The following BCAT1 variants were observed in gnomAD, a reference collection of about 807,000 sequenced individuals.
The protein encoded by BCAT1 is branched-chain-amino-acid aminotransferase, cytosolic.
BCAT1 carries 48 observed loss-of-function variants against 52.4 expected under a neutral mutation model. That is an observed-to-expected ratio of 0.92 (90% CI 0.73 to 1.16). The LOEUF is 1.16. Among genes scored for constraint, BCAT1 ranks in the 50% most tolerant of loss-of-function variants. The pLI, the probability that BCAT1 is intolerant of heterozygous loss-of-function variation, is 0.00. For missense variants in BCAT1, 451 were observed against 457.1 expected (o/e 0.99, Z 0.12); for synonymous variants, 167 against 161.3 (o/e 1.04, Z -0.27).
At position 24,898,442 on chromosome 12, in the gene BCAT1, A is replaced by AATAGGGAG. The variant is rs1272727004; in HGVS notation, c.78+3364_78+3371dup. On this transcript the variant is annotated intron_variant, in intron 2 of 10. Transcript: ENST00000261192. ...GCAGTTGGGTAATCATTTGTTCTGA[A>AATAGGGAG]ATAGGGAGGCTCAGGGCAGGGAAGT... 2.7e-5 allele frequency among the ~76,000 whole-genome samples: 4 copies of AATAGGGAG among 150,718 alleles called. No individual in the cohort carries two copies. The South Asian group carries it at 8.4e-4, about 32-fold the overall frequency.
intron 5 of BCAT1, among the ~76,000 whole-genome samples, chr12:24,874,407 G>T (rs762077346): frequency 7.2e-5 from 11 of 152,156 alleles, no homozygotes; most frequent in Non-Finnish European, 1.3e-4. Flanking sequence ...AATATTTTAA[G>T]TCCATCCAAT....
At chr12:24,852,760 A>C (rs751039307) in intron 5 of BCAT1, among the ~76,000 whole-genome samples, 19 of 152,344 alleles carry the variant, frequency 1.2e-4, no homozygotes, top group Non-Finnish European at 2.1e-4. Context: ...TGCTGAGAGA[A>C]AATGTGTTTA....
intron 1 of BCAT1, among the ~76,000 whole-genome samples, chr12:24,911,879 G>A (rs191592562): frequency 3.9e-4 from 60 of 152,316 alleles, no homozygotes; most frequent in Non-Finnish European, 5.1e-4. Flanking sequence ...TTCCTGTGTG[G>A]AAAACAATTA....
chr12:24,911,892 C>G (rs1462541838), intron 1 of BCAT1, among the ~76,000 whole-genome samples: 1 of 152,152 alleles, frequency 6.6e-6, no homozygotes, highest in African/African-American at 2.4e-5. Context: ...AACAATTAAG[C>G]TTATAATTTT....
rs1376186833 is a variant in BCAT1 at position 24,836,926 on chromosome 12, G to A, written c.818-330C>T. 2.3e-5 allele frequency among the ~76,000 whole-genome samples: 2 copies of A among 87,678 alleles called. 1 individual carries two copies. The highest frequency in any genetic ancestry group is 5.1e-5 in the Non-Finnish European group (2 of 39,592). The allele number at this position is 87,678 out of a possible 152,430, so 57.5% of individuals were successfully genotyped here. On this transcript the variant is annotated intron_variant, in intron 7 of 10. Coordinates refer to ENST00000261192, the MANE Select transcript of BCAT1 (RefSeq NM_005504.7). ...AGAAAGAGAGAAAGAAAGAAAGAAAGAAAGAAAGAAAGAAAGAAAGAAAGA... is the reference window on the plus strand; with the variant it reads ...AGAAAGAGAGAAAGAAAGAAAGAAAAAAAGAAAGAAAGAAAGAAAGAAAGA...
At chr12:24,888,719 C>T (rs1466676575) in intron 3 of BCAT1, among the ~76,000 whole-genome samples, 1 of 152,124 alleles carries the variant, frequency 6.6e-6, no homozygotes, top group Non-Finnish European at 1.5e-5. Context: ...ATTCCTATGA[C>T]ACTATAATAA....
chr12:24,908,353 G>T (rs1943259453), intron 1 of BCAT1, among the ~76,000 whole-genome samples: 1 of 152,208 alleles, frequency 6.6e-6, no homozygotes, highest in African/African-American at 2.4e-5. Flanking sequence ...TAGCCACTAA[G>T]CCACATGTAG....
chr12:24,892,833 A>G (rs7136511), intron 3 of BCAT1, among the ~76,000 whole-genome samples: 16,268 of 151,990 alleles, frequency 0.11, 947 homozygotes, highest in East Asian at 0.19. Context: ...AGCCTGGGTG[A>G]CAGAGCAAGA....
At chr12:24,882,178 C>A (rs908747803) in intron 3 of BCAT1, among the ~76,000 whole-genome samples, 2 of 152,174 alleles carry the variant, frequency 1.3e-5, no homozygotes, top group Non-Finnish European at 2.9e-5. Context: ...CTTACACAGA[C>A]CAGCTGTAGA....
intron 5 of BCAT1, among the ~76,000 whole-genome samples, chr12:24,866,885 C>T (rs1490392733): frequency 2.0e-5 from 3 of 152,068 alleles, no homozygotes; most frequent in African/African-American, 7.2e-5. Context: ...CTGCCTGAGC[C>T]AGCAGTGGCA....
intron 3 of BCAT1, among the ~76,000 whole-genome samples, chr12:24,883,249 G>A (rs1273614439): frequency 6.6e-6 from 1 of 152,164 alleles, no homozygotes; most frequent in Non-Finnish European, 1.5e-5. Flanking sequence ...TCACGCTGCT[G>A]CACTCCAGCC....
chr12:24,840,527 A>G (rs80323919), intron 7 of BCAT1, among the ~76,000 whole-genome samples: 232 of 152,360 alleles, frequency 1.5e-3, no homozygotes, highest in African/African-American at 5.4e-3. Context: ...AAGTACAAAC[A>G]GCAGGAATGG....
intron 5 of BCAT1, among the ~76,000 whole-genome samples, chr12:24,878,127 C>T (rs146909214): frequency 2.7e-5 from 4 of 149,916 alleles, no homozygotes; most frequent in African/African-American, 9.9e-5. Flanking sequence ...GCACCCCAGC[C>T]TAAGCGACAA....
chr12:24,887,081 ATATATATATATATAT>A (rs1565483149), intron 3 of BCAT1, among the ~76,000 whole-genome samples: 7 of 42,836 alleles, frequency 1.6e-4, no homozygotes, highest in Non-Finnish European at 3.6e-4. Context: ...AAAAAAAAAA[ATATATATATATATAT>A]ATATATATAT....
intron 1 of BCAT1, among the ~76,000 whole-genome samples, chr12:24,944,052 C>T (rs1216137012): frequency 6.6e-6 from 1 of 152,034 alleles, no homozygotes. Context: ...ACCAATTAAG[C>T]AAGGAAGTCT....
chr12:24,883,411 T>C (rs1395747852), intron 3 of BCAT1, among the ~76,000 whole-genome samples: 1 of 152,120 alleles, frequency 6.6e-6, no homozygotes, highest in Non-Finnish European at 1.5e-5. Flanking sequence ...TGTAAATTAG[T>C]ACAGTCATTA....
At chr12:24,948,896 G>C in intron 1 of BCAT1, 31 bp downstream of exon 1, 1 of 1,587,734 alleles carries the variant, frequency 6.3e-7, no homozygotes, top group East Asian at 2.3e-5. Flanking sequence ...ACACATTTTT[G>C]TAAAACACGG....
intron 3 of BCAT1, among the ~76,000 whole-genome samples, chr12:24,886,680 T>C (rs1229389531): frequency 6.6e-6 from 1 of 151,938 alleles, no homozygotes; most frequent in Non-Finnish European, 1.5e-5. Context: ...CCAAGAATAT[T>C]CTGAGGGAAA....
intron 1 of BCAT1, among the ~76,000 whole-genome samples, chr12:24,914,979 ATT>A (rs1484808383): frequency 6.6e-6 from 1 of 152,224 alleles, no homozygotes; most frequent in Non-Finnish European, 1.5e-5. Context: ...CTGAAATATA[ATT>A]TTCTCTTCTA....
Sources: allele counts gnomAD v4.1 joint callset (sites outside exome capture counted in the v4.1 genomes callset), GRCh38; gene constraint gnomAD v4.1.1; transcripts MANE v1.5; gene names NCBI Gene and HGNC (gene_info 2026-07-23, HGNC 2026-07-21).